SON: variants seen among roughly 807,000 people sequenced by gnomAD.
SON encodes the protein SON DNA and RNA binding protein, also known as protein SON.
In SON, 4 loss-of-function variants were observed where a neutral mutation model predicts 173.3. The ratio of observed to expected loss-of-function variants is 0.02; its 90% CI spans 0.01 to 0.05. SON has a LOEUF of 0.05. SON is among the 10% of genes least tolerant of loss of function. The pLI is 1.00. For synonymous variants in SON, 1,190 were observed against 1,105.9 expected, an observed-to-expected ratio of 1.08 and a Z score of -1.51; for missense variants, 2,626 against 3,055.3, an observed-to-expected ratio of 0.86 and a Z score of 3.31.
chr21:33,564,818 G>A (rs900575103), intron 6 of SON, among the ~76,000 whole-genome samples: 2 of 137,224 alleles, frequency 1.5e-5, no homozygotes, highest in Non-Finnish European at 3.0e-5. Context: ...CCAAGACTGT[G>A]CCATTGCACT....
intron 9 of SON, among the ~76,000 whole-genome samples, chr21:33,574,001 T>C: frequency 6.6e-6 from 1 of 152,200 alleles, no homozygotes; most frequent in Admixed American, 6.5e-5. Context: ...TGTTAAGGCA[T>C]CTTGGAACTG....
chr21:33,571,486 CA>C (rs1207316840), intron 8 of SON, among the ~76,000 whole-genome samples: 6 of 151,862 alleles, frequency 4.0e-5, no homozygotes, highest in Admixed American at 3.9e-4. Context: ...TTTTAGATTA[CA>C]AAAAAAGCAA....
Position 33,551,104 on chromosome 21 carries a change from C to T in SON, c.1873C>T (p.Leu625=), listed in dbSNP as rs771094797. ...AGALELLGQP[L]ATGVLELPGQ... ...AGCACTGGAGCTTTTGGGGCAGCCT[C>T]TGGCAACAGGGGTGCTGGAGTTGCC... The change falls in exon 3 of 12, where the codon CTG becomes TTG. Residue 625 remains leucine, a synonymous_variant. Coordinates refer to ENST00000356577, the MANE Select transcript of SON (RefSeq NM_138927.4). 2 of 1,611,036 alleles carry T rather than the reference C, an allele frequency of 1.2e-6. No individual in the cohort carries two copies. The highest frequency in any genetic ancestry group is 1.7e-6 in the Non-Finnish European group (2 of 1,178,902).
rs757933581 is a variant in SON at position 33,546,286 on chromosome 21, G to A, written c.151G>A (p.Ala51Thr). The A allele has an allele frequency of 6.2e-7, 1 of 1,613,764 alleles. No homozygotes were observed. ...IEGNQAGDAA[A>T]SARSLPNEEI... ...AGGAAACCAGGCGGGTGATGCAGCT[G>A]CCTCTGCCAGGAGTCTACCAAATGA... Residue 51 changes from alanine (A) to threonine (T), a missense_variant, in exon 2 of 12, where the codon GCC becomes ACC. Coordinates refer to ENST00000356577, the MANE Select transcript of SON (RefSeq NM_138927.4).
At chr21:33,557,836 C>T (rs1261500915) in intron 4 of SON, 22 of 551,640 alleles carry the variant, frequency 4.0e-5, no homozygotes, top group Non-Finnish European at 5.5e-5. Flanking sequence ...CGATAATGGC[C>T]GGCCATTATC....
At position 33,551,788 on chromosome 21, in the gene SON, T is replaced by C. The variant is rs369147023; in HGVS notation, c.2557T>C (p.Ser853Pro). Residue 853 changes from serine (S) to proline (P), a missense_variant, in exon 3 of 12, where the codon TCC becomes CCC. Ser to Pro is a moderately conservative substitution (Grantham distance 74). Coordinates refer to ENST00000356577, the MANE Select transcript of SON (RefSeq NM_138927.4). ...GATGTTAGCAACCAGCACCATGGAC[T>C]CCCAGATGTTAGCAACTAGCTCAAT... ...SQMLATSTMD[S>P]QMLATSSMDS... 1.2e-6 allele frequency: 2 copies of C among 1,613,410 alleles called. No individual in the cohort carries two copies. The highest frequency in any genetic ancestry group is 1.7e-6 in the Non-Finnish European group (2 of 1,180,034).
chr21:33,575,625 A>G lies in SON; in HGVS notation c.7063A>G (p.Lys2355Glu), dbSNP rs371490855. Residue 2355 changes from lysine to glutamate, a missense_variant, in exon 10 of 12, where the codon AAG becomes GAG. By Grantham distance (56) the Lys-to-Glu change is moderately conservative (BLOSUM62 1). Transcript: ENST00000356577. ...GLVAVGERAQ[K>E]RSGNFSAAMK... ...TGTTGCAGTAGGAGAAAGAGCACAA[A>G]AGAGGTCTGGGAACTTCTCTGCTGC... is the stretch of plus-strand genomic sequence containing the variant. 1.2e-6 allele frequency: 2 copies of G among 1,612,404 alleles called. No homozygotes were observed. Among genetic ancestry groups the G allele is most frequent in the African/African-American group, 1.3e-5 (1 of 74,774 alleles).
At chr21:33,560,694 G>C in intron 6 of SON, 1 of 815,488 alleles carries the variant, frequency 1.2e-6, no homozygotes. Context: ...ACGCTTGGGG[G>C]ATGTGGGAGG....
intron 6 of SON, among the ~76,000 whole-genome samples, chr21:33,565,051 G>T (rs2086141995): frequency 6.6e-6 from 1 of 152,016 alleles, no homozygotes; most frequent in Non-Finnish European, 1.5e-5. Context: ...TCAGAATCAT[G>T]AGTTTAATAT....
At chr21:33,572,710 A>AT (rs777919720) in intron 8 of SON, 14 of 662,310 alleles carry the variant, frequency 2.1e-5, no homozygotes, top group Non-Finnish European at 3.4e-5. Flanking sequence ...TCATTTTGGC[A>AT]TACTTACAGG....
In SON at chr21:33,575,679, T is replaced by C; in HGVS notation, c.7105+12T>C. 6.2e-7 allele frequency: 1 copy of C among 1,607,854 alleles called. No individual in the cohort carries two copies. The highest frequency in any genetic ancestry group is 1.3e-5 in the African/African-American group (1 of 74,806). ...GAAAGATCTGTCAGGTGAGAGCACG[T>C]TTTTGAATTTCCTCTTACCCTAATC... On this transcript the variant is annotated intron_variant, in intron 10 of 11. Transcript: ENST00000356577.
chr21:33,566,845 G>T (rs2086182446), intron 6 of SON, among the ~76,000 whole-genome samples: 1 of 152,106 alleles, frequency 6.6e-6, no homozygotes, highest in African/African-American at 2.4e-5. Context: ...ATGAAGAGTA[G>T]CGAGTTTTAA....
rs1459795892 is a variant in SON, at chr21:33,553,119, T to C, written c.3888T>C (p.Thr1296=). The C allele has an allele frequency of 2.5e-6, 4 of 1,614,194 alleles. No homozygotes were observed. The highest frequency in any genetic ancestry group is 3.4e-6 in the Non-Finnish European group (4 of 1,180,044). Residue 1296 remains threonine (T), a synonymous_variant, in exon 3 of 12, where the codon ACT becomes ACC. Transcript: ENST00000356577. ...SETPAMSAEP[T]VLASEPPVMS... ...CTCCCGCCATGTCAGCTGAACCAAC[T>C]GTGTTAGCATCAGAGCCTCCTGTTA... is the stretch of plus-strand genomic sequence containing the variant.
In SON at chr21:33,559,951, A is replaced by C; in HGVS notation, c.6657+176A>C. The stretch of plus-strand genomic sequence containing the variant: ...CAGCTTCTCATTTGACAGTAACTCG[A>C]TGCAATTCACTTTGTGGAACCAAGC... On this transcript the variant is annotated intron_variant, in intron 6 of 11. Coordinates refer to ENST00000356577, the MANE Select transcript of SON (RefSeq NM_138927.4). The surrounding 1 kb of genome is among the most constrained non-coding windows in gnomAD (Gnocchi z 4.1). 1 of 1,614,050 alleles carries C rather than the reference A, an allele frequency of 6.2e-7. No individual in the cohort carries two copies. The highest frequency in any genetic ancestry group is 8.5e-7 in the Non-Finnish European group (1 of 1,179,938).
intron 2 of SON, among the ~76,000 whole-genome samples, chr21:33,548,884 T>C (rs962698561): frequency 1.3e-5 from 2 of 152,224 alleles, no homozygotes; most frequent in African/African-American, 4.8e-5. Context: ...CTGGAGGGAA[T>C]AATTATTTTA....
chr21:33,543,461 C>G (rs544751914), intron 1 of SON: 100 of 436,714 alleles, frequency 2.3e-4, no homozygotes, highest in African/African-American at 2.0e-3. Flanking sequence ...CGTTTAGCTA[C>G]TCGTAGGCCC....
At chr21:33,563,523 CTG>C (rs912845498) in intron 6 of SON, among the ~76,000 whole-genome samples, 2 of 152,164 alleles carry the variant, frequency 1.3e-5, no homozygotes, top group African/African-American at 4.8e-5. Flanking sequence ...TTTGAGATAT[CTG>C]TGATTACCAA....
rs373061388 is a variant in SON at position 33,551,602 on chromosome 21, A to G, written c.2371A>G (p.Met791Val). 7.4e-6 allele frequency: 12 copies of G among 1,612,042 alleles called. No homozygotes were observed. The highest frequency in any genetic ancestry group is 4.5e-5 in the East Asian group (2 of 44,786). Reference protein sequence around the residue: ...MDSQMLATSTMDSQMLATSSM... With the variant: ...MDSQMLATSTVDSQMLATSSM... ...CTCCCAGATGTTAGCAACTAGCACTATGGACTCCCAGATGTTAGCAACCAG... is the reference window on the plus strand; with the variant it reads ...CTCCCAGATGTTAGCAACTAGCACTGTGGACTCCCAGATGTTAGCAACCAG... Residue 791 changes from methionine (M) to valine (V), a missense_variant, in exon 3 of 12, where the codon ATG (methionine) becomes GTG (valine). This residue lies in a region of SON where 38 missense variants were observed against 92.1 expected (regional missense o/e 0.41). Transcript: ENST00000356577.
At chr21:33,575,228 G>C (rs1045526246) in intron 9 of SON, among the ~76,000 whole-genome samples, 1 of 151,954 alleles carries the variant, frequency 6.6e-6, no homozygotes, top group Admixed American at 6.6e-5. Flanking sequence ...TAGAGACGGG[G>C]TTTCACCATG....
Sources: allele counts gnomAD v4.1 joint callset (sites outside exome capture counted in the v4.1 genomes callset), GRCh38; gene constraint gnomAD v4.1.1; regional missense constraint gnomAD v4.1.1; non-coding constraint Gnocchi (gnomAD v3.1); transcripts MANE v1.5; gene names NCBI Gene and HGNC (gene_info 2026-07-23, HGNC 2026-07-21).